Variants in DLG2 observed in about 807,000 individuals in gnomAD.
DLG2 encodes the protein disks large homolog 2.
A neutral mutation model predicts 132.5 loss-of-function variants in DLG2; 45 were observed. That is an observed-to-expected ratio of 0.34 (90% confidence interval 0.27 to 0.44). The LOEUF (loss-of-function observed/expected upper bound fraction) is 0.44. Among genes scored for constraint, DLG2 ranks in the 20% least tolerant of loss-of-function variants. The probability of loss-of-function intolerance (pLI) is 1.00; values close to 1 mark genes in which losing one functional copy is unlikely to be tolerated. For synonymous variants in DLG2, 424 were observed against 419.6 expected (o/e 1.01, Z -0.13); for missense variants, 1,045 against 1,196.9 (o/e 0.87, Z 1.87).
At chr11:84,231,033 TAAAC>T (rs1204351479) in intron 8 of DLG2, among the ~76,000 whole-genome samples, 1 of 152,168 alleles carries the variant, frequency 6.6e-6, no homozygotes, top group African/African-American at 2.4e-5. Context: ...GCTAAAAAAT[TAAAC>T]ACACTAGCGT....
intron 15 of DLG2, among the ~76,000 whole-genome samples, chr11:83,919,011 A>G (rs996135249): frequency 8.5e-5 from 13 of 152,174 alleles, no homozygotes; most frequent in Non-Finnish European, 1.5e-5. Context: ...GACAGTGACA[A>G]AGGTGAGAAG....
Position 84,795,397 on chromosome 11 carries a change from C to T in DLG2, c.358-260666G>A, listed in dbSNP as rs539464478. On this transcript the variant is annotated intron_variant, in intron 6 of 27. Transcript: ENST00000376104. ...TCTGCTGAAAGCTGAACACTTGACA[C>T]GACACCTTGTCTGTGGAGGGGAGCT... Among the ~76,000 whole-genome samples, 255 of 151,830 alleles carry T rather than the reference C, an allele frequency of 1.7e-3. 3 individuals carry two copies. The South Asian group carries it at 0.019, about 11-fold the overall frequency.
At position 84,659,308 on chromosome 11, in the gene DLG2, G is replaced by A. The variant is rs7110290; in HGVS notation, c.358-124577C>T. Among the ~76,000 whole-genome samples, 674 of 151,804 alleles carry A rather than the reference G, an allele frequency of 4.4e-3. 3 individuals are homozygous for A. Among genetic ancestry groups the A allele is most frequent in the African/African-American group, 0.015 (628 of 41,402 alleles). ...CCCTGGACCCTCTCTCTAAAGTGTG[G>A]GCTCTCTATTCTGCCCCTCAATTCC... On this transcript the variant is annotated intron_variant, in intron 6 of 27. Coordinates refer to ENST00000376104, the MANE Select transcript of DLG2 (RefSeq NM_001142699.3).
intron 15 of DLG2, among the ~76,000 whole-genome samples, chr11:83,922,693 G>A (rs790379): frequency 0.48 from 73,351 of 151,886 alleles, 18,177 homozygotes; most frequent in Admixed American, 0.6. Flanking sequence ...AACAGAGTGA[G>A]AAGCTACAGT....
intron 4 of DLG2, among the ~76,000 whole-genome samples, chr11:85,182,862 A>G (rs1426320186): frequency 1.3e-5 from 2 of 150,184 alleles, no homozygotes; most frequent in African/African-American, 4.9e-5. Flanking sequence ...GCAACTAGAT[A>G]ATGTGGGTTG....
intron 6 of DLG2, among the ~76,000 whole-genome samples, chr11:84,560,153 T>C (rs578046566): frequency 3.0e-3 from 463 of 152,250 alleles, no homozygotes; most frequent in Middle Eastern, 6.8e-3. Flanking sequence ...GATACCAAAT[T>C]TGGGAATCTG....
intron 3 of DLG2, among the ~76,000 whole-genome samples, chr11:85,413,482 C>G (rs1365605879): frequency 6.6e-6 from 1 of 151,952 alleles, no homozygotes; most frequent in Non-Finnish European, 1.5e-5. Context: ...CTTGCCTAAG[C>G]CAATGTCTAG....
At chr11:83,803,824 A>T (rs2153946691) in intron 17 of DLG2, among the ~76,000 whole-genome samples, 1 of 152,246 alleles carries the variant, frequency 6.6e-6, no homozygotes, top group East Asian at 1.9e-4. Context: ...TCCACTCCTA[A>T]AACATCTGAA....
In DLG2 at chr11:83,830,802, G is replaced by C. The variant is rs577950252; in HGVS notation, c.1722+2812C>G. 2.0e-5 allele frequency among the ~76,000 whole-genome samples: 3 copies of C among 152,260 alleles called. No individual in the cohort carries two copies. The South Asian group carries it at 6.2e-4, about 32-fold the overall frequency. ...TTTTCTTCTGATCTGGAAAATGGGA[G>C]TAATAATAATAACCTATCCTGCCAC... On this transcript the variant is annotated intron_variant, in intron 17 of 27. Transcript: ENST00000376104.
intron 6 of DLG2, among the ~76,000 whole-genome samples, chr11:84,780,997 C>CAAAA (rs372443245): frequency 1.5e-4 from 14 of 93,974 alleles, no homozygotes; most frequent in South Asian, 3.8e-4. Context: ...CAGGATTGTA[C>CAAAA]AAAAAAAAAA....
intron 3 of DLG2, among the ~76,000 whole-genome samples, chr11:85,377,821 GTGTATACATATATA>G (rs1359928592): frequency 1.8e-4 from 26 of 145,950 alleles, no homozygotes; most frequent in African/African-American, 5.9e-4. Context: ...GTGTGTGTGT[GTGTATACATATATA>G]TGTGTGTATA....
At chr11:85,381,560 A>T (rs2085890714) in intron 3 of DLG2, among the ~76,000 whole-genome samples, 1 of 152,124 alleles carries the variant, frequency 6.6e-6, no homozygotes, top group South Asian at 2.1e-4. Context: ...AAATCAAATT[A>T]TCTCTAGTTA....
intron 11 of DLG2, among the ~76,000 whole-genome samples, chr11:83,992,652 A>G (rs763979745): frequency 6.6e-6 from 1 of 152,162 alleles, no homozygotes; most frequent in Non-Finnish European, 1.5e-5. Context: ...CTGTAGAACC[A>G]TTAATGTACA....
At chr11:83,714,027 C>T (rs1440210623) in intron 18 of DLG2, among the ~76,000 whole-genome samples, 1 of 152,120 alleles carries the variant, frequency 6.6e-6, no homozygotes, top group Non-Finnish European at 1.5e-5. Flanking sequence ...CAATGTTGTG[C>T]AAGTGGGACA....
chr11:85,116,366 A>G (rs558541427), intron 5 of DLG2, among the ~76,000 whole-genome samples: 1 of 151,970 alleles, frequency 6.6e-6, no homozygotes, highest in Non-Finnish European at 1.5e-5. Flanking sequence ...AAGTGCCTCC[A>G]AATCATCAAT....
At chr11:84,249,633 T>C (rs2097346288) in intron 8 of DLG2, among the ~76,000 whole-genome samples, 1 of 152,220 alleles carries the variant, frequency 6.6e-6, no homozygotes, top group African/African-American at 2.4e-5. Context: ...TACAGCAGTG[T>C]TAGGCATACA....
intron 6 of DLG2, among the ~76,000 whole-genome samples, chr11:84,762,393 T>G (rs1190254359): frequency 6.6e-6 from 1 of 152,202 alleles, no homozygotes; most frequent in East Asian, 1.9e-4. Context: ...TCGGAATCTG[T>G]GTACAGTAGT....
chr11:85,121,665 C>A (rs1378633498), intron 5 of DLG2, among the ~76,000 whole-genome samples: 1 of 151,928 alleles, frequency 6.6e-6, no homozygotes, highest in Non-Finnish European at 1.5e-5. Flanking sequence ...AGGAATTTTA[C>A]CTCTATTAGT....
intron 3 of DLG2, among the ~76,000 whole-genome samples, chr11:85,519,425 C>T (rs1019704612): frequency 3.3e-5 from 5 of 152,306 alleles, no homozygotes; most frequent in East Asian, 3.9e-4. Flanking sequence ...CCCTGGATTT[C>T]GGACTTGCAT....
Sources: allele counts gnomAD v4.1 joint callset (sites outside exome capture counted in the v4.1 genomes callset), GRCh38; gene constraint gnomAD v4.1.1; transcripts MANE v1.5; gene names NCBI Gene and HGNC (gene_info 2026-07-23, HGNC 2026-07-21).